Variants in ACP6 observed in about 807,000 individuals in gnomAD.
ACP6 encodes lysophosphatidic acid phosphatase type 6.
Under a neutral mutation model 48.1 loss-of-function variants are expected in ACP6, and 48 were observed. The ratio of observed to expected loss-of-function variants is 1.00; its 90% confidence interval spans 0.79 to 1.27. The LOEUF (loss-of-function observed/expected upper bound fraction) is 1.27. Ranked by LOEUF, ACP6 falls within the 50% of genes most tolerant of loss-of-function variation. The pLI is 0.00. For missense variants in ACP6, 485 were observed against 529.1 expected (o/e 0.92, Z 0.82); for synonymous variants, 172 against 204.2 (o/e 0.84, Z 1.34).
At chr1:147,632,416 G>A (rs1325612949) in intron 5 of ACP6, among the ~76,000 whole-genome samples, 1 of 152,106 alleles carries the variant, frequency 6.6e-6, no homozygotes, top group Non-Finnish European at 1.5e-5. Context: ...GGATCCATAT[G>A]AGCTTGGGTG....
At chr1:147,631,749 G>GGCTGCAGTGAGCTGAGATCGTGCC (rs1659169616) in intron 5 of ACP6, among the ~76,000 whole-genome samples, 9 of 152,144 alleles carry the variant, frequency 5.9e-5, no homozygotes, top group Non-Finnish European at 8.8e-5. Flanking sequence ...AGGAGGCGGA[G>GGCTGCAGTGAGCTGAGATCGTGCC]GCTGCAGTGA....
intron 5 of ACP6, among the ~76,000 whole-genome samples, chr1:147,636,630 G>A (rs1162101305): frequency 6.6e-6 from 1 of 152,220 alleles, no homozygotes; most frequent in African/African-American, 2.4e-5. Flanking sequence ...TGAGCTGGCT[G>A]CTTCACATTT....
chr1:147,660,626 T>G (rs1252140699), intron 1 of ACP6, among the ~76,000 whole-genome samples: 1 of 152,208 alleles, frequency 6.6e-6, no homozygotes, highest in African/African-American at 2.4e-5. Flanking sequence ...TTCCATTATC[T>G]TATTGTAGAA....
intron 5 of ACP6, among the ~76,000 whole-genome samples, chr1:147,634,076 G>C (rs1289210692): frequency 6.6e-6 from 1 of 152,156 alleles, no homozygotes; most frequent in African/African-American, 2.4e-5. Context: ...TTGTCCACAA[G>C]TGCTGCACCA....
chr1:147,636,503 A>T (rs1451591263), intron 5 of ACP6, among the ~76,000 whole-genome samples: 2 of 152,306 alleles, frequency 1.3e-5, no homozygotes, highest in East Asian at 3.9e-4. Context: ...AGACAAAGGG[A>T]CACATCCCGG....
At chr1:147,640,160 G>C (rs886064158), downstream of ACP6, among the ~76,000 whole-genome samples, 2 of 152,064 alleles carry the variant, frequency 1.3e-5, no homozygotes, top group African/African-American at 4.8e-5. Context: ...CCTAACCCCA[G>C]CAGATAGTAT....
At position 147,644,340 on chromosome 1, in the gene ACP6, G is replaced by C. The variant is rs904769446; in HGVS notation, c.*3083C>G. 2 of 152,228 alleles carry C rather than the reference G, an allele frequency of 1.3e-5. No homozygotes were observed. The highest frequency in any genetic ancestry group is 2.9e-5 in the Non-Finnish European group (2 of 68,036). 9.4% of individuals were successfully genotyped at this position (152,228 alleles called of 1,614,324 possible). A position where few individuals can be genotyped will look rare whatever the true frequency, so the allele number is the denominator to read the frequency against. On this transcript the variant is annotated 3_prime_UTR_variant, in exon 10 of 10. Transcript: ENST00000583509. ...AAAAAGTTTTTATTACAAAAAAGAA[G>C]AAGAATGGTAAGATGGCGAGTATGG...
At chr1:147,640,194 C>T (rs587745838), downstream of ACP6, among the ~76,000 whole-genome samples, 2 of 152,270 alleles carry the variant, frequency 1.3e-5, no homozygotes, top group South Asian at 2.1e-4. Context: ...TGTGGATAAA[C>T]AGAAACTCTG....
intron 7 of ACP6, chr1:147,651,578 A>G (rs1659921141): frequency 6.6e-6 from 1 of 152,088 alleles, no homozygotes; most frequent in Admixed American, 6.6e-5. Flanking sequence ...CAGAAAAGGG[A>G]AGCTGGCAAG....
chr1:147,654,175 C>T lies in ACP6; in HGVS notation c.780+19G>A, dbSNP rs1553211131. 7.4e-6 allele frequency: 12 copies of T among 1,612,094 alleles called. No homozygotes were observed. The South Asian group carries it at 1.3e-4, about 18-fold the overall frequency. On this transcript the variant is annotated intron_variant, in intron 6 of 9. Transcript: ENST00000583509. Reference sequence around the variant, plus strand: ...CCCACCAAGGCTATTATCCCAGGCTCCCCAACCCCAGGACTCACCTGCTCG... The same window carrying T: ...CCCACCAAGGCTATTATCCCAGGCTTCCCAACCCCAGGACTCACCTGCTCG...
At chr1:147,661,148 T>G (rs1396417434) in intron 1 of ACP6, among the ~76,000 whole-genome samples, 2 of 152,174 alleles carry the variant, frequency 1.3e-5, no homozygotes, top group African/African-American at 4.8e-5. Flanking sequence ...TTGTTTTTCT[T>G]TTTGAAATGG....
chr1:147,655,113 T>A, intron 5 of ACP6, 48 bp downstream of exon 5: 30 of 1,462,742 alleles, frequency 2.1e-5, no homozygotes, highest in Non-Finnish European at 2.7e-5. Context: ...CAGCAAAGGT[T>A]GTAAAAGGTT....
At chr1:147,633,507 C>CT (rs1273370053) in intron 5 of ACP6, among the ~76,000 whole-genome samples, 3,910 of 146,606 alleles carry the variant, frequency 0.027, 148 homozygotes, top group African/African-American at 0.077. Flanking sequence ...GCAAAAGTTT[C>CT]TTTTTTTTTT....
chr1:147,634,583 G>C (rs1463092176), intron 5 of ACP6, among the ~76,000 whole-genome samples: 1 of 152,068 alleles, frequency 6.6e-6, no homozygotes, highest in Non-Finnish European at 1.5e-5. Flanking sequence ...TATAGTTAGA[G>C]CTAATCTTTA....
intron 2 of ACP6, 28 bp downstream of exon 2, chr1:147,659,619 C>T (rs781898685): frequency 6.2e-7 from 1 of 1,613,700 alleles, no homozygotes; most frequent in Non-Finnish European, 8.5e-7. Context: ...TGCAGTGGGG[C>T]TCCCCAGAGC....
Position 147,659,749 on chromosome 1 carries a change from C to T in ACP6, c.246G>A (p.Glu82=). Residue 82 remains glutamate (E), a synonymous_variant, in exon 2 of 10, where the codon GAG becomes GAA. Transcript: ENST00000583509. ...EQVEWNPQLL[E]VPPQTQFDYT... ...AATCAAACTGAGTTTGGGGTGGGAC[C>T]TCTAATAGCTGGGGGTTCCACTCTA... 1 of 1,613,952 alleles carries T rather than the reference C, an allele frequency of 6.2e-7. No individual in the cohort carries two copies. The highest frequency in any genetic ancestry group is 8.5e-7 in the Non-Finnish European group (1 of 1,180,022).
chr1:147,659,293 A>G, intron 3 of ACP6, 103 bp downstream of exon 3: 2 of 1,495,342 alleles, frequency 1.3e-6, no homozygotes, highest in Non-Finnish European at 1.8e-6. Flanking sequence ...TTGTCCCCCA[A>G]ACTACCTTGG....
At chr1:147,662,794 A>G (rs1388599905) in intron 1 of ACP6, among the ~76,000 whole-genome samples, 1 of 152,242 alleles carries the variant, frequency 6.6e-6, no homozygotes, top group Non-Finnish European at 1.5e-5. Context: ...AAGATGTTCT[A>G]TTGTGGGTAA....
In ACP6 at chr1:147,654,215, C is replaced by T. The variant is rs1553211157; in HGVS notation, c.759G>A (p.Leu253=). The T allele has an allele frequency of 6.2e-7, 1 of 1,614,050 alleles. No homozygotes were observed. Among genetic ancestry groups the T allele is most frequent in the East Asian group, 2.2e-5 (1 of 44,896 alleles). Residue 253 remains leucine, a synonymous_variant, in exon 6 of 10, where the codon CTG becomes CTA. Coordinates refer to ENST00000583509, the MANE Select transcript of ACP6 (RefSeq NM_016361.5). ...SSDKVDFFIL[L]DNVAAEQAHN... is the part of the protein sequence containing the mutation. ...TCACCTGCTCGGCAGCCACGTTGTC[C>T]AGGAGGATGAAGAAGTCCACTTTAT...
Sources: gnomAD v4.1 joint callset for allele counts (sites outside exome capture counted in the v4.1 genomes callset) on GRCh38, gnomAD v4.1.1 for gene constraint, MANE v1.5 for transcripts, NCBI Gene and HGNC (gene_info 2026-07-23, HGNC 2026-07-21) for gene names.